Variants in CA10 observed in about 807,000 individuals in gnomAD.
CA10 encodes the protein carbonic anhydrase 10 (inactive), also known as carbonic anhydrase-related protein 10.
CA10 carries 14 observed loss-of-function variants against 44.2 expected under a neutral mutation model. The ratio of observed to expected loss-of-function variants is 0.32; its 90% confidence interval spans 0.21 to 0.50. The LOEUF is 0.50. Among genes scored for constraint, CA10 ranks in the 20% least tolerant of loss-of-function variants. The pLI, the probability that CA10 is intolerant of heterozygous loss-of-function variation, is 0.99. For missense variants in CA10, 350 were observed against 409.7 expected (o/e 0.85, Z 1.26); for synonymous variants, 159 against 141.6 (o/e 1.12, Z -0.87).
At chr17:51,775,917 G>A (rs1905800549) in intron 3 of CA10, among the ~76,000 whole-genome samples, 1 of 152,104 alleles carries the variant, frequency 6.6e-6, no homozygotes, top group African/African-American at 2.4e-5. Flanking sequence ...GAAGGGGAAT[G>A]GGACATATGG....
At chr17:51,892,852 G>A (rs911356631) in intron 3 of CA10, among the ~76,000 whole-genome samples, 2 of 152,134 alleles carry the variant, frequency 1.3e-5, no homozygotes, top group African/African-American at 4.8e-5. Flanking sequence ...GTGAGTACTA[G>A]AGGCTTCATT....
intron 2 of CA10, among the ~76,000 whole-genome samples, chr17:51,962,134 C>G (rs1983915627): frequency 1.3e-5 from 2 of 152,242 alleles, no homozygotes; most frequent in African/African-American, 2.4e-5. Flanking sequence ...CCTGAACTGC[C>G]CCACCCTTTC....
At chr17:51,833,882 G>A (rs540748487) in intron 3 of CA10, among the ~76,000 whole-genome samples, 9 of 152,156 alleles carry the variant, frequency 5.9e-5, no homozygotes, top group Non-Finnish European at 1.0e-4. Flanking sequence ...TTTTATTGGT[G>A]TATCACATTG....
At chr17:52,082,076 G>C (rs1233147708) in intron 1 of CA10, among the ~76,000 whole-genome samples, 1 of 152,140 alleles carries the variant, frequency 6.6e-6, no homozygotes, top group Admixed American at 6.5e-5. Flanking sequence ...TGTCTCAAGG[G>C]TAAAAATGTT....
rs1289950813 is a variant in CA10 at position 51,959,447 on chromosome 17, A to C, written c.137-28315T>G. 2.6e-5 allele frequency among the ~76,000 whole-genome samples: 4 copies of C among 152,028 alleles called. No homozygotes were observed. In the East Asian group the frequency reaches 7.7e-4, roughly 29 times the overall value. Reference sequence around the variant, plus strand: ...CTAAAGCCCTGCCATTTATGACAGAAGACCAGAGAAATAAGCCCCTGGGGA... The same window carrying C: ...CTAAAGCCCTGCCATTTATGACAGACGACCAGAGAAATAAGCCCCTGGGGA... On this transcript the variant is annotated intron_variant, in intron 2 of 8. Transcript: ENST00000451037.
At chr17:51,979,481 C>T (rs1308434690) in intron 2 of CA10, among the ~76,000 whole-genome samples, 1 of 152,100 alleles carries the variant, frequency 6.6e-6, no homozygotes, top group Non-Finnish European at 1.5e-5. Flanking sequence ...CCTCTCCCTT[C>T]TCTTCCCCAA....
intron 3 of CA10, among the ~76,000 whole-genome samples, chr17:51,864,045 T>C (rs1372946739): frequency 6.6e-6 from 1 of 152,138 alleles, no homozygotes; most frequent in African/African-American, 2.4e-5. Flanking sequence ...AATCACACAG[T>C]TGGTCTTTCT....
intron 3 of CA10, among the ~76,000 whole-genome samples, chr17:51,796,178 C>T (rs1906699024): frequency 1.3e-5 from 2 of 152,084 alleles, no homozygotes; most frequent in Non-Finnish European, 2.9e-5. Context: ...TTAGATGTTA[C>T]CGATGGAAAG....
At chr17:51,963,351 C>T (rs1983962723) in intron 2 of CA10, among the ~76,000 whole-genome samples, 1 of 152,096 alleles carries the variant, frequency 6.6e-6, no homozygotes, top group African/African-American at 2.4e-5. Flanking sequence ...ATTTGAGGGG[C>T]TAATTCAAGA....
intron 2 of CA10, among the ~76,000 whole-genome samples, chr17:51,961,841 C>T (rs73348633): frequency 0.021 from 3,167 of 152,230 alleles, 107 homozygotes; most frequent in African/African-American, 0.071. Flanking sequence ...CTCTCTGCTC[C>T]GTGCCCAAGC....
chr17:51,964,892 A>G (rs1039805693), intron 2 of CA10, among the ~76,000 whole-genome samples: 5 of 151,894 alleles, frequency 3.3e-5, no homozygotes, highest in African/African-American at 9.7e-5. Flanking sequence ...TAGAAGAGAA[A>G]TAACTAAAAC....
intron 4 of CA10, among the ~76,000 whole-genome samples, chr17:51,662,634 C>T (rs1162547136): frequency 6.6e-6 from 1 of 152,168 alleles, no homozygotes; most frequent in African/African-American, 2.4e-5. Flanking sequence ...ACACAGTCTG[C>T]AGAGAAGAAC....
intron 3 of CA10, among the ~76,000 whole-genome samples, chr17:51,855,129 T>C (rs1282345274): frequency 1.3e-5 from 2 of 152,170 alleles, no homozygotes; most frequent in African/African-American, 4.8e-5. Context: ...CTTTCTGCTT[T>C]GTTACACTGG....
intron 3 of CA10, among the ~76,000 whole-genome samples, chr17:51,850,455 G>A (rs1490679967): frequency 1.3e-5 from 2 of 152,106 alleles, no homozygotes; most frequent in African/African-American, 4.8e-5. Flanking sequence ...GTGGCAAGTG[G>A]GTGGAGAACA....
chr17:51,635,843 A>C lies in CA10; in HGVS notation c.789+12T>G. On this transcript the variant is annotated intron_variant, in intron 7 of 8. Transcript: ENST00000451037. ...TCTTCTCCATTAGCTAAATGACCAG[A>C]GAGAAACTCACCTGCATCCTGGTTA... is the stretch of plus-strand genomic sequence containing the variant. The C allele has an allele frequency of 3.2e-6, 5 of 1,557,370 alleles. No homozygotes were observed. The highest frequency in any genetic ancestry group is 4.4e-6 in the Non-Finnish European group (5 of 1,148,242).
chr17:52,149,272 T>C (rs957780209), intron 1 of CA10, among the ~76,000 whole-genome samples: 3 of 152,238 alleles, frequency 2.0e-5, no homozygotes, highest in Non-Finnish European at 4.4e-5. Context: ...GCATGAAGTA[T>C]TGGACAAAGT....
At chr17:51,700,126 C>T (rs1915543001) in intron 4 of CA10, among the ~76,000 whole-genome samples, 1 of 152,056 alleles carries the variant, frequency 6.6e-6, no homozygotes, top group South Asian at 2.1e-4. Context: ...ACTGGGAATC[C>T]CAGCTCTGCC....
At chr17:51,920,812 A>G (rs1455513245) in intron 3 of CA10, among the ~76,000 whole-genome samples, 1 of 152,164 alleles carries the variant, frequency 6.6e-6, no homozygotes, top group Non-Finnish European at 1.5e-5. Flanking sequence ...ATCTTTCATC[A>G]CTTTTCACTG....
chr17:51,945,199 A>G (rs151086523), intron 2 of CA10, among the ~76,000 whole-genome samples: 12 of 152,264 alleles, frequency 7.9e-5, no homozygotes, highest in African/African-American at 2.4e-4. Context: ...ATCCATTCCA[A>G]TCTCAAGAAA....
Sources: allele counts gnomAD v4.1 joint callset (sites outside exome capture counted in the v4.1 genomes callset), GRCh38; gene constraint gnomAD v4.1.1; transcripts MANE v1.5; gene names NCBI Gene and HGNC (gene_info 2026-07-23, HGNC 2026-07-21).